SNX14: variants seen among roughly 807,000 people sequenced by gnomAD.
SNX14 encodes sorting nexin-14.
Under a neutral mutation model 133.8 loss-of-function variants are expected in SNX14, and 93 were observed. The observed-to-expected ratio is 0.70, with a 90% CI of 0.59 to 0.83. The LOEUF is 0.83. Among genes scored for constraint, SNX14 ranks in the 40% least tolerant of loss-of-function variants. The probability of loss-of-function intolerance (pLI) is 0.00; values close to 1 mark genes in which losing one functional copy is unlikely to be tolerated. For missense variants in SNX14, 945 were observed against 1,094.9 expected (o/e 0.86, Z 1.93); for synonymous variants, 368 against 365.6 (o/e 1.01, Z -0.07).
intron 17 of SNX14, among the ~76,000 whole-genome samples, chr6:85,536,091 A>G (rs757644376): frequency 1.3e-5 from 2 of 152,208 alleles, no homozygotes; most frequent in Non-Finnish European, 2.9e-5. Context: ...GCTTTAACAT[A>G]CGATATAATA....
At chr6:85,587,707 C>G (rs984658937) in intron 1 of SNX14, among the ~76,000 whole-genome samples, 3 of 152,204 alleles carry the variant, frequency 2.0e-5, no homozygotes, top group Non-Finnish European at 4.4e-5. Flanking sequence ...AGTGATCCTC[C>G]CACCTTGGCC....
chr6:85,570,486 G>A (rs1056282316), intron 4 of SNX14, among the ~76,000 whole-genome samples: 1 of 152,042 alleles, frequency 6.6e-6, no homozygotes, highest in Non-Finnish European at 1.5e-5. Context: ...AAAGAAACAG[G>A]TGAAATTAAT....
Position 85,576,571 on chromosome 6 carries a change from A to G in SNX14, c.141-2193T>C, listed in dbSNP as rs146049445. ...CAACCAGTCTCATTCATCTCATGAT[A>G]GTAGAAATGTGAAGCTGTAATAAAA... On this transcript the variant is annotated intron_variant, in intron 1 of 28. Coordinates refer to ENST00000314673, the MANE Select transcript of SNX14 (RefSeq NM_153816.6). 1.2e-4 allele frequency among the ~76,000 whole-genome samples: 19 copies of G among 152,360 alleles called. No homozygotes were observed. The East Asian group carries it at 3.7e-3, about 29-fold the overall frequency.
intron 12 of SNX14, among the ~76,000 whole-genome samples, chr6:85,545,960 A>G (rs1400920278): frequency 3.2e-4 from 49 of 152,232 alleles, no homozygotes; most frequent in Non-Finnish European, 1.5e-5. Flanking sequence ...TGGGATTGTA[A>G]GCATGAGCCA....
chr6:85,549,730 C>A lies in SNX14; in HGVS notation c.784G>T (p.Asp262Tyr). Residue 262 changes from aspartate (D) to tyrosine (Y), a missense_variant, in exon 8 of 29, where the codon GAC becomes TAC. By Grantham distance (160) the Asp-to-Tyr change is radical. Coordinates refer to ENST00000314673, the MANE Select transcript of SNX14 (RefSeq NM_153816.6). The part of the protein sequence containing the change: ...FPYILPPKAT[D>Y]CRSLTLLIRE... The stretch of plus-strand genomic sequence containing the variant: ...TGTCTAGTCTTTTTATACCTGCAGT[C>A]TGTTGCTTTAGGAGGCAAAATATAA... 1 of 1,612,072 alleles carries A rather than the reference C, an allele frequency of 6.2e-7. No homozygotes were observed. Among genetic ancestry groups the A allele is most frequent in the South Asian group, 1.1e-5 (1 of 90,630 alleles).
chr6:85,565,137 C>G (rs1356957928), intron 6 of SNX14, among the ~76,000 whole-genome samples, 195 bp downstream of exon 6: 1 of 151,974 alleles, frequency 6.6e-6, no homozygotes, highest in Non-Finnish European at 1.5e-5. Flanking sequence ...GTTTGTAACA[C>G]AAATGATAAA....
chr6:85,563,072 G>A (rs961404930), intron 6 of SNX14, among the ~76,000 whole-genome samples: 3 of 151,982 alleles, frequency 2.0e-5, no homozygotes, highest in African/African-American at 7.3e-5. Context: ...TATTTGCTGT[G>A]AGACAACATA....
chr6:85,507,221 C>G lies in SNX14; in HGVS notation c.2802+12G>C, dbSNP rs1771013919. 1.9e-6 allele frequency: 3 copies of G among 1,605,488 alleles called. No homozygotes were observed. The East Asian group carries it at 6.7e-5, about 36-fold the overall frequency. On this transcript the variant is annotated intron_variant, in intron 28 of 28. Coordinates refer to ENST00000314673, the MANE Select transcript of SNX14 (RefSeq NM_153816.6). ...AAGAAAATCATGAATAAAATTACTG[C>G]TTTTCAGTTACCTTATTGAGCTCTG...
chr6:85,574,483 A>G, intron 1 of SNX14, 105 bp from the exon 2 acceptor site: 1 of 689,226 alleles, frequency 1.5e-6, no homozygotes, highest in Non-Finnish European at 2.2e-6. Flanking sequence ...ACAATATCAG[A>G]TTGAAGCAAT....
At chr6:85,574,645 T>C (rs1796749622) in intron 1 of SNX14, among the ~76,000 whole-genome samples, 1 of 152,222 alleles carries the variant, frequency 6.6e-6, no homozygotes, top group South Asian at 2.1e-4. Flanking sequence ...TATACTACAT[T>C]CTTCCAGAAT....
chr6:85,567,386 C>T, intron 5 of SNX14, 148 bp downstream of exon 5: 1 of 569,020 alleles, frequency 1.8e-6, no homozygotes, highest in Admixed American at 3.3e-5. Context: ...CACAGTACTG[C>T]CCCCAAAACA....
intron 8 of SNX14, among the ~76,000 whole-genome samples, chr6:85,549,364 T>C (rs193025625): frequency 1.3e-5 from 2 of 152,230 alleles, no homozygotes; most frequent in African/African-American, 2.4e-5. Flanking sequence ...CTCATCTATA[T>C]AGTTTGTTCA....
At chr6:85,588,962 C>A (rs767759180) in intron 1 of SNX14, 8 of 453,146 alleles carry the variant, frequency 1.8e-5, no homozygotes, top group Non-Finnish European at 3.1e-5. Context: ...TGAGGAATTG[C>A]AGGGGTGAAA....
intron 7 of SNX14, among the ~76,000 whole-genome samples, chr6:85,553,600 CG>C (rs1788583751): frequency 6.6e-6 from 1 of 151,964 alleles, no homozygotes. Flanking sequence ...CTGGCTAACA[CG>C]GTGAAACCCC....
chr6:85,526,886 T>G (rs987504858), intron 20 of SNX14, among the ~76,000 whole-genome samples: 2 of 152,092 alleles, frequency 1.3e-5, no homozygotes, highest in African/African-American at 4.8e-5. Flanking sequence ...CTAGCCAACA[T>G]GGCAAAACCC....
intron 19 of SNX14, among the ~76,000 whole-genome samples, chr6:85,528,602 G>A (rs989509384): frequency 1.3e-5 from 2 of 152,116 alleles, no homozygotes; most frequent in Non-Finnish European, 2.9e-5. Context: ...GTTTGACACA[G>A]ATTTTTTGGC....
chr6:85,542,245 A>C (rs1219804870), intron 14 of SNX14, among the ~76,000 whole-genome samples: 1 of 152,206 alleles, frequency 6.6e-6, no homozygotes, highest in African/African-American at 2.4e-5. Context: ...ACGTGTATAC[A>C]ATGAGATTTC....
At chr6:85,590,263 T>C (rs567551552) in intron 1 of SNX14, among the ~76,000 whole-genome samples, 17 of 152,290 alleles carry the variant, frequency 1.1e-4, no homozygotes, top group East Asian at 3.9e-4. Context: ...TGCATATCCA[T>C]AAAATAGAAG....
rs536510037 is a variant in SNX14 at position 85,505,559 on chromosome 6, T to TA, written c.*407dup. ...GATACACAGTTAACTATGTACAAAA[T>TA]AAAAAAAAGGAAAACCAATCTACTA... is the stretch of plus-strand genomic sequence containing the variant. On this transcript the variant is annotated 3_prime_UTR_variant, in exon 29 of 29. Coordinates refer to ENST00000314673, the MANE Select transcript of SNX14 (RefSeq NM_153816.6). 2.7e-5 allele frequency: 5 copies of TA among 182,250 alleles called. No homozygotes were observed. Among genetic ancestry groups the TA allele is most frequent in the Admixed American group, 6.3e-5 (1 of 15,888 alleles). 11.3% of individuals were successfully genotyped at this position (182,250 alleles called of 1,614,324 possible). A position where few individuals can be genotyped will look rare whatever the true frequency, so the allele number is the denominator to read the frequency against.
Sources: gnomAD v4.1 joint callset for allele counts (sites outside exome capture counted in the v4.1 genomes callset) on GRCh38, gnomAD v4.1.1 for gene constraint, MANE v1.5 for transcripts, NCBI Gene and HGNC (gene_info 2026-07-23, HGNC 2026-07-21) for gene names.